ACTR5: variants seen among roughly 807,000 people sequenced by gnomAD.
The protein encoded by ACTR5 is actin-related protein 5.
In ACTR5, 43 loss-of-function variants were observed where a neutral mutation model predicts 61.2. That is an observed-to-expected ratio of 0.70 (90% confidence interval 0.55 to 0.91). ACTR5 has a LOEUF of 0.91. Ranked by LOEUF, ACTR5 falls within the 40% of genes least tolerant of loss-of-function variation. The probability of loss-of-function intolerance (pLI) is 0.00; values close to 1 mark genes in which losing one functional copy is unlikely to be tolerated. For missense variants in ACTR5, 798 were observed against 782.2 expected, an observed-to-expected ratio of 1.02 and a Z score of -0.24; for synonymous variants, 333 against 310.5, an observed-to-expected ratio of 1.07 and a Z score of -0.76.
intron 6 of ACTR5, 61 bp from the exon 7 acceptor site, chr20:38,766,177 T>C: frequency 1.9e-6 from 3 of 1,555,214 alleles, no homozygotes; most frequent in Non-Finnish European, 2.6e-6. Flanking sequence ...TTGAGGAAAC[T>C]AGCAACTGGA....
In ACTR5 at chr20:38,767,552, G is replaced by A. The variant is rs1170622249; in HGVS notation, c.1522G>A (p.Glu508Lys). Residue 508 changes from glutamate to lysine, a missense_variant, in exon 8 of 9, where the codon GAG becomes AAG. Coordinates refer to ENST00000243903, the MANE Select transcript of ACTR5 (RefSeq NM_024855.4). ...GTATCCTGGCATGAAAGCCAGAATG[G>A]AGAAGGAACTGTTGGAGATGAGACC... ...TMYPGMKARM[E>K]KELLEMRPFR... 1.2e-6 allele frequency: 2 copies of A among 1,614,120 alleles called. No individual in the cohort carries two copies. Among genetic ancestry groups the A allele is most frequent in the African/African-American group, 1.3e-5 (1 of 75,048 alleles).
rs2084390249 is a variant in ACTR5 at position 38,752,054 on chromosome 20, T to C, written c.606-77T>C. The C allele has an allele frequency of 2.2e-5, 33 of 1,484,624 alleles. No homozygotes were observed. In the East Asian group the frequency reaches 7.6e-4, roughly 34 times the overall value. The allele number at this position is 1,484,624 out of a possible 1,614,324, so 92.0% of individuals were successfully genotyped here. On this transcript the variant is annotated intron_variant, in intron 2 of 8. Coordinates refer to ENST00000243903, the MANE Select transcript of ACTR5 (RefSeq NM_024855.4). ...TGTTTCTTCTTTATCTGCCTTAAAT[T>C]ATCTTGTTTCTCCCAAGATGCTCCA...
chr20:38,757,653 G>A (rs903856711), intron 5 of ACTR5, among the ~76,000 whole-genome samples: 2 of 151,878 alleles, frequency 1.3e-5, no homozygotes, highest in Non-Finnish European at 2.9e-5. Flanking sequence ...GCTTGCTTTT[G>A]CAGTGATGGG....
rs755809162 is a variant in ACTR5, at chr20:38,752,247, G to T, written c.722G>T (p.Arg241Leu). 6.2e-7 allele frequency: 1 copy of T among 1,613,812 alleles called. No homozygotes were observed. The highest frequency in any genetic ancestry group is 8.5e-7 in the Non-Finnish European group (1 of 1,179,748). Residue 241 changes from arginine (R) to leucine (L), a missense_variant, in exon 3 of 9, where the codon CGC becomes CTC. Coordinates refer to ENST00000243903, the MANE Select transcript of ACTR5 (RefSeq NM_024855.4). ...CACCTGGCAGCCATCACCCTCAGCC[G>T]CATGGAGGAGATTCTGCATGAGCAC... ...PGHLAAITLS[R>L]MEEILHEHSY...
In ACTR5 at chr20:38,756,088, C is replaced by T. The variant is rs756793186; in HGVS notation, c.1176+49C>T. On this transcript the variant is annotated intron_variant, in intron 5 of 8. Coordinates refer to ENST00000243903, the MANE Select transcript of ACTR5 (RefSeq NM_024855.4). Reference sequence around the variant, plus strand: ...CAGCCCTTCTTGAGGGGAGGAGTGTCCTGAGAGGCCTGACATCAAAGGGGT... The same window carrying T: ...CAGCCCTTCTTGAGGGGAGGAGTGTTCTGAGAGGCCTGACATCAAAGGGGT... 1.0e-5 allele frequency: 16 copies of T among 1,529,126 alleles called. No homozygotes were observed. In the African/African-American group the frequency reaches 1.9e-4, roughly 18 times the overall value. The allele number at this position is 1,529,126 out of a possible 1,614,324, so 94.7% of individuals were successfully genotyped here. A position where few individuals can be genotyped will look rare whatever the true frequency, so the allele number is the denominator to read the frequency against.
chr20:38,755,853 T>A lies in ACTR5; in HGVS notation c.994-4T>A. The stretch of plus-strand genomic sequence containing the variant: ...CTTCCTGTTTGTGACTGCTCTGTTT[T>A]CAGGAACTTCTAGAGGATGGCCAGA... On this transcript the variant is annotated splice_polypyrimidine_tract_variant and splice_region_variant and intron_variant, in intron 4 of 8. Transcript: ENST00000243903. 1 of 1,614,058 alleles carries A rather than the reference T, an allele frequency of 6.2e-7. No individual in the cohort carries two copies. The highest frequency in any genetic ancestry group is 8.5e-7 in the Non-Finnish European group (1 of 1,179,990).
At chr20:38,768,592 T>C (rs947352737) in intron 8 of ACTR5, among the ~76,000 whole-genome samples, 17 of 152,162 alleles carry the variant, frequency 1.1e-4, no homozygotes, top group African/African-American at 3.9e-4. Context: ...GGGTTTTTAT[T>C]TGGGGGCTGA....
chr20:38,748,929 C>G (rs1421998019), intron 1 of ACTR5, 76 bp downstream of exon 1: 4 of 1,504,146 alleles, frequency 2.7e-6, no homozygotes, highest in African/African-American at 1.4e-5. Context: ...ACTCTGCTCT[C>G]GGAGAGGTAA....
intron 3 of ACTR5, 135 bp from the exon 4 acceptor site, chr20:38,754,822 C>CT (rs2084409624): frequency 8.0e-6 from 6 of 748,558 alleles, no homozygotes; most frequent in Non-Finnish European, 1.3e-5. Context: ...ATCTCCTGAC[C>CT]TCGTGATCCG....
At chr20:38,755,773 C>T in intron 4 of ACTR5, 84 bp from the exon 5 acceptor site, 1 of 1,506,784 alleles carries the variant, frequency 6.6e-7, no homozygotes, top group Non-Finnish European at 9.2e-7. Context: ...GCCAGGGGAG[C>T]TCTGGAAGCC....
At chr20:38,757,273 T>C (rs1218944778) in intron 5 of ACTR5, among the ~76,000 whole-genome samples, 1 of 152,144 alleles carries the variant, frequency 6.6e-6, no homozygotes, top group African/African-American at 2.4e-5. Context: ...CCCAGCATCT[T>C]AGTTCCTGTA....
chr20:38,761,793 T>G (rs1464490560), intron 5 of ACTR5: 1 of 152,716 alleles, frequency 6.5e-6, no homozygotes, highest in Non-Finnish European at 1.5e-5. Context: ...GGAAGTAGAA[T>G]GAAGAATAAA....
In ACTR5 at chr20:38,752,206, GC is replaced by G. The variant is rs762246116; in HGVS notation, c.682del (p.Leu228Ter). 1.2e-6 allele frequency: 2 copies of G among 1,614,126 alleles called. No homozygotes were observed. Among genetic ancestry groups the G allele is most frequent in the Admixed American group, 3.3e-5 (2 of 60,006 alleles). On this transcript the variant is annotated frameshift_variant, in exon 3 of 9. Coordinates refer to ENST00000243903, the MANE Select transcript of ACTR5 (RefSeq NM_024855.4). LOFTEE classifies it high-confidence loss of function. ...AAGYLQRLLQ[L>X]KYPGHLAAIT... ...CTGGTTACCTCCAGCGTCTCCTCCA[GC>G]TGAAGTACCCTGGGCACCTGGCAGC...
chr20:38,763,208 C>T (rs899212036), intron 5 of ACTR5, among the ~76,000 whole-genome samples: 7 of 152,190 alleles, frequency 4.6e-5, no homozygotes, highest in African/African-American at 1.7e-4. Flanking sequence ...TGACAAACCA[C>T]CAAATGAAAA....
chr20:38,766,599 A>T (rs1456262414), intron 7 of ACTR5, among the ~76,000 whole-genome samples: 1 of 152,188 alleles, frequency 6.6e-6, no homozygotes, highest in Non-Finnish European at 1.5e-5. Flanking sequence ...TGCTGGGTTG[A>T]CTGAGTAGCT....
chr20:38,748,507 A>G lies in ACTR5; in HGVS notation c.29A>G (p.Asp10Gly), dbSNP rs1431196096. 6.7e-7 allele frequency: 1 copy of G among 1,495,662 alleles called. No individual in the cohort carries two copies. The highest frequency in any genetic ancestry group is 2.8e-5 in the East Asian group (1 of 35,254). 92.6% of individuals were successfully genotyped at this position (1,495,662 alleles called of 1,614,324 possible). MAANVFPFR[D>G]ARAAPDPVLE... ...GCGGCGAACGTGTTCCCGTTCCGCG[A>G]CGCCCGTGCCGCACCGGACCCAGTG... Residue 10 changes from aspartate to glycine, a missense_variant, in exon 1 of 9, where the codon GAC becomes GGC. Physicochemically the swap from Asp to Gly is moderately conservative, Grantham distance 94 (BLOSUM62 -1). Coordinates refer to ENST00000243903, the MANE Select transcript of ACTR5 (RefSeq NM_024855.4).
intron 3 of ACTR5, 135 bp downstream of exon 3, chr20:38,752,435 T>G: frequency 9.7e-7 from 1 of 1,028,444 alleles, no homozygotes; most frequent in Non-Finnish European, 1.3e-6. Flanking sequence ...TTTCTTAAAC[T>G]ATTCAGTAAA....
At chr20:38,756,755 T>A (rs2145668620) in intron 5 of ACTR5, among the ~76,000 whole-genome samples, 1 of 152,256 alleles carries the variant, frequency 6.6e-6, no homozygotes, top group African/African-American at 2.4e-5. Context: ...AAATACAAAA[T>A]TAGCTGAGTG....
At position 38,748,508 on chromosome 20, in the gene ACTR5, C is replaced by T. The variant is rs1029019481; in HGVS notation, c.30C>T (p.Asp10=). The change falls in exon 1 of 9, where the codon GAC becomes GAT. Residue 10 remains aspartate (D), a synonymous_variant. Transcript: ENST00000243903. MAANVFPFR[D]ARAAPDPVLE... ...CGGCGAACGTGTTCCCGTTCCGCGA[C>T]GCCCGTGCCGCACCGGACCCAGTGC... is the stretch of plus-strand genomic sequence containing the variant. The T allele has an allele frequency of 8.0e-6, 12 of 1,496,098 alleles. No homozygotes were observed. The highest frequency in any genetic ancestry group is 4.5e-5 in the Admixed American group (2 of 44,494). 92.7% of individuals were successfully genotyped at this position (1,496,098 alleles called of 1,614,324 possible).
Sources: allele counts gnomAD v4.1 joint callset (sites outside exome capture counted in the v4.1 genomes callset), GRCh38; gene constraint gnomAD v4.1.1; transcripts MANE v1.5; gene names NCBI Gene and HGNC (gene_info 2026-07-23, HGNC 2026-07-21).